The following NFKBIE variants were observed in gnomAD, a reference collection of about 807,000 sequenced individuals.
NFKBIE encodes NFKB inhibitor epsilon.
In NFKBIE, 11 loss-of-function variants were observed where a neutral mutation model predicts 31.6. The ratio of observed to expected loss-of-function variants is 0.35; its 90% CI spans 0.22 to 0.58. NFKBIE has a LOEUF of 0.58. NFKBIE is among the 20% of genes least tolerant of loss of function. The pLI is 0.83. For synonymous variants in NFKBIE, 208 were observed against 210.1 expected, an observed-to-expected ratio of 0.99 and a Z score of 0.09; for missense variants, 354 against 465.7, an observed-to-expected ratio of 0.76 and a Z score of 2.21.
Position 44,262,550 on chromosome 6 carries a change from C to T in NFKBIE, c.468+10G>A, listed in dbSNP as rs775612903. Reference sequence around the variant, plus strand: ...CAGGTATCTGGGCATAACATTCTCTCGCCACCAACCTGGTAAAGGTTATTT... The same window carrying T: ...CAGGTATCTGGGCATAACATTCTCTTGCCACCAACCTGGTAAAGGTTATTT... On this transcript the variant is annotated intron_variant, in intron 2 of 5. Transcript: ENST00000619360. 2.7e-5 allele frequency: 44 copies of T among 1,611,864 alleles called. 1 individual carries two copies. Among genetic ancestry groups the T allele is most frequent in the South Asian group, 2.4e-4 (22 of 90,964 alleles).
Position 44,260,219 on chromosome 6 carries a change from G to C in NFKBIE, c.844C>G (p.Gln282Glu). The C allele has an allele frequency of 6.2e-7, 1 of 1,613,898 alleles. No individual in the cohort carries two copies. The highest frequency in any genetic ancestry group is 8.5e-7 in the Non-Finnish European group (1 of 1,179,802). The stretch of plus-strand genomic sequence containing the variant: ...TGGGCACCAGCCTGGAGCAGGAACT[G>C]TACCAGGCCCCGCTCTTGGGTTTCC... ...AVETQERGLV[Q>E]FLLQAGAQVD... Residue 282 changes from glutamine to glutamate, a missense_variant, in exon 5 of 6, where the codon CAG (glutamine) becomes GAG (glutamate). Around this residue, in one of 2 missense-constraint regions of NFKBIE, gnomAD observed 183 missense variants for 310.6 expected, o/e 0.59. Coordinates refer to ENST00000619360, the MANE Select transcript of NFKBIE (RefSeq NM_004556.3). The surrounding 1 kb of genome is among the most constrained non-coding windows in gnomAD (Gnocchi z 5.5).
rs913503930 is a variant in NFKBIE, at chr6:44,261,908, T to C, written c.469-60A>G. 6 of 1,468,418 alleles carry C rather than the reference T, an allele frequency of 4.1e-6. No individual in the cohort carries two copies. The highest frequency in any genetic ancestry group is 1.4e-5 in the African/African-American group (1 of 71,778). The allele number at this position is 1,468,418 out of a possible 1,614,324, so 91.0% of individuals were successfully genotyped here. A position where few individuals can be genotyped will look rare whatever the true frequency, so the allele number is the denominator to read the frequency against. The stretch of plus-strand genomic sequence containing the variant: ...CAGCATGCTCCCACCTCTGGGAACA[T>C]GCTTGGGCTCAAGAATCACCAGCTG... On this transcript the variant is annotated intron_variant, in intron 2 of 5. Coordinates refer to ENST00000619360, the MANE Select transcript of NFKBIE (RefSeq NM_004556.3). This position sits in a 1 kb window ranked among gnomAD's most constrained non-coding sequence, Gnocchi z 4.3.
At position 44,258,912 on chromosome 6, in the gene NFKBIE, C is replaced by CT. The variant is rs1387304205; in HGVS notation, c.*306_*307insA. The stretch of plus-strand genomic sequence containing the variant: ...GGTTGGCAGTTTCAGGCTGACCCAA[C>CT]ATGGGTAAAACAAGAGCACCTGCCA... On this transcript the variant is annotated 3_prime_UTR_variant, in exon 6 of 6. Coordinates refer to ENST00000619360, the MANE Select transcript of NFKBIE (RefSeq NM_004556.3). 1 of 265,572 alleles carries CT rather than the reference C, an allele frequency of 3.8e-6. No homozygotes were observed. The highest frequency in any genetic ancestry group is 2.2e-5 in the African/African-American group (1 of 46,396). 16.5% of individuals were successfully genotyped at this position (265,572 alleles called of 1,614,324 possible).
chr6:44,260,874 C>G lies in NFKBIE; in HGVS notation c.692-335G>C, dbSNP rs1466718136. Among the ~76,000 whole-genome samples the G allele has an allele frequency of 1.2e-4, 17 of 139,954 alleles. No homozygotes were observed. Among genetic ancestry groups the G allele is most frequent in the Middle Eastern group, 3.9e-3 (1 of 258 alleles). The allele number at this position is 139,954 out of a possible 152,430, so 91.8% of individuals were successfully genotyped here. On this transcript the variant is annotated intron_variant, in intron 3 of 5. Transcript: ENST00000619360. The surrounding 1 kb of genome is among the most constrained non-coding windows in gnomAD (Gnocchi z 5.5). ...ACACACATACAGACACACACACACA[C>G]ACACACACACACACACAACCTGCCT...
rs758066925 is a variant in NFKBIE at position 44,263,853 on chromosome 6, G to T, written c.365+1129C>A. Among the ~76,000 whole-genome samples the T allele has an allele frequency of 3.3e-5, 5 of 152,160 alleles. No individual in the cohort carries two copies. Among genetic ancestry groups the T allele is most frequent in the African/African-American group, 4.8e-5 (2 of 41,426 alleles). ...AGATGGAAAAGGCTGGGGCTGAGAGGCTAACAAAAGACGGCAATGTCAAAA... is the reference window on the plus strand; with the variant it reads ...AGATGGAAAAGGCTGGGGCTGAGAGTCTAACAAAAGACGGCAATGTCAAAA... On this transcript the variant is annotated intron_variant, in intron 1 of 5. Coordinates refer to ENST00000619360, the MANE Select transcript of NFKBIE (RefSeq NM_004556.3). The surrounding 1 kb of genome is among the most constrained non-coding windows in gnomAD (Gnocchi z 5.0).
Position 44,260,375 on chromosome 6 carries a change from T to C in NFKBIE, c.780+76A>G, listed in dbSNP as rs1369529238. The C allele has an allele frequency of 1.9e-6, 3 of 1,612,960 alleles. No homozygotes were observed. The African/African-American group carries it at 4.0e-5, about 22-fold the overall frequency. ...GGAAGTGAATGCCACCACTTCTGAC[T>C]GCTGGGCAGGGGACTTGGGGATGTG... On this transcript the variant is annotated intron_variant, in intron 4 of 5. Transcript: ENST00000619360. This position sits in a 1 kb window ranked among gnomAD's most constrained non-coding sequence, Gnocchi z 5.5.
chr6:44,265,038 C>A lies in NFKBIE; in HGVS notation c.309G>T (p.Gly103=). 1 of 1,585,192 alleles carries A rather than the reference C, an allele frequency of 6.3e-7. No individual in the cohort carries two copies. The highest frequency in any genetic ancestry group is 8.6e-7 in the Non-Finnish European group (1 of 1,165,854). ...PAPRLPLPHV[G]ALSPQQLEAL... ...CTTCCAGCTGCTGAGGGCTCAGCGCCCCCACGTGGGGGAGTGGCAGGCGTG... is the reference window on the plus strand; with the variant it reads ...CTTCCAGCTGCTGAGGGCTCAGCGCACCCACGTGGGGGAGTGGCAGGCGTG... Residue 103 remains glycine (G), a synonymous_variant, in exon 1 of 6, where the codon GGG becomes GGT. Transcript: ENST00000619360.
Position 44,260,320 on chromosome 6 carries a change from G to A in NFKBIE, c.781-38C>T, listed in dbSNP as rs772778660. ...AAGGATGTCAGCCAAGGCCCTCAGA[G>A]GCAGTGTGCTGGGCCTGGGCTCTGG... is the stretch of plus-strand genomic sequence containing the variant. On this transcript the variant is annotated intron_variant, in intron 4 of 5. Coordinates refer to ENST00000619360, the MANE Select transcript of NFKBIE (RefSeq NM_004556.3). The surrounding 1 kb of genome is among the most constrained non-coding windows in gnomAD (Gnocchi z 5.5). 1.2e-6 allele frequency: 2 copies of A among 1,606,068 alleles called. No individual in the cohort carries two copies. Among genetic ancestry groups the A allele is most frequent in the African/African-American group, 2.7e-5 (2 of 74,800 alleles).
Position 44,260,289 on chromosome 6 carries a change from A to T in NFKBIE, c.781-7T>A, listed in dbSNP as rs1416749548. ...TCTTACCACTGGTGCCCTCCTGGGG[A>T]GGAATAAGGATGTCAGCCAAGGCCC... On this transcript the variant is annotated splice_polypyrimidine_tract_variant and splice_region_variant and intron_variant, in intron 4 of 5. Transcript: ENST00000619360. This position sits in a 1 kb window ranked among gnomAD's most constrained non-coding sequence, Gnocchi z 5.5. The T allele has an allele frequency of 4.4e-6, 7 of 1,606,714 alleles. No individual in the cohort carries two copies. Among genetic ancestry groups the T allele is most frequent in the Admixed American group, 3.3e-5 (2 of 59,922 alleles).
rs529852257 is a variant in NFKBIE, at chr6:44,263,619, C to G, written c.366-957G>C. Among the ~76,000 whole-genome samples, 1 of 152,186 alleles carries G rather than the reference C, an allele frequency of 6.6e-6. No individual in the cohort carries two copies. Among genetic ancestry groups the G allele is most frequent in the East Asian group, 1.9e-4 (1 of 5,158 alleles). On this transcript the variant is annotated intron_variant, in intron 1 of 5. Coordinates refer to ENST00000619360, the MANE Select transcript of NFKBIE (RefSeq NM_004556.3). This position sits in a 1 kb window ranked among gnomAD's most constrained non-coding sequence, Gnocchi z 5.0. The stretch of plus-strand genomic sequence containing the variant: ...AATCCCCTAGGCCAGGGCCTGCTCT[C>G]TGGGTCACATTCTTGCAGCCACCTC...
In NFKBIE at chr6:44,261,994, A is replaced by G. The variant is rs1781940030; in HGVS notation, c.469-146T>C. 1 of 750,280 alleles carries G rather than the reference A, an allele frequency of 1.3e-6. No individual in the cohort carries two copies. Among genetic ancestry groups the G allele is most frequent in the South Asian group, 1.8e-5 (1 of 56,594 alleles). The allele number at this position is 750,280 out of a possible 1,614,324, so 46.5% of individuals were successfully genotyped here. A position where few individuals can be genotyped will look rare whatever the true frequency, so the allele number is the denominator to read the frequency against. ...TAACCTGTTCTTCCAAGGAAATACT[A>G]CCGAGCCCTTCCCCTGTCACACCCC... On this transcript the variant is annotated intron_variant, in intron 2 of 5. Transcript: ENST00000619360. The surrounding 1 kb of genome is among the most constrained non-coding windows in gnomAD (Gnocchi z 4.3).
Position 44,261,392 on chromosome 6 carries a change from A to G in NFKBIE, c.691+234T>C, listed in dbSNP as rs1034208675. On this transcript the variant is annotated intron_variant, in intron 3 of 5. Transcript: ENST00000619360. This position sits in a 1 kb window ranked among gnomAD's most constrained non-coding sequence, Gnocchi z 4.3. ...TCATCTAATCTCTATTAAACTAAGT[A>G]TCTTAAGGGCAAGATTTAGTTTTCT... is the stretch of plus-strand genomic sequence containing the variant. Among the ~76,000 whole-genome samples, 1 of 152,258 alleles carries G rather than the reference A, an allele frequency of 6.6e-6. No homozygotes were observed. The highest frequency in any genetic ancestry group is 2.4e-5 in the African/African-American group (1 of 41,460).
intron 2 of NFKBIE, 97 bp downstream of exon 2, chr6:44,262,463 G>A: frequency 1.9e-6 from 2 of 1,033,302 alleles, no homozygotes; most frequent in South Asian, 2.8e-5. Context: ...CTGGCATATG[G>A]TTTCCTAAGT....
chr6:44,262,129 G>C (rs1781944625), intron 2 of NFKBIE, among the ~76,000 whole-genome samples: 1 of 152,192 alleles, frequency 6.6e-6, no homozygotes, highest in Non-Finnish European at 1.5e-5. Context: ...TGTAGGAGGA[G>C]AGTCTAGCCC....
chr6:44,260,826 A>AC lies in NFKBIE; in HGVS notation c.692-288_692-287insG, dbSNP rs1781871030. Among the ~76,000 whole-genome samples, 1 of 119,122 alleles carries AC rather than the reference A, an allele frequency of 8.4e-6. No homozygotes were observed. 78.1% of individuals were successfully genotyped at this position (119,122 alleles called of 152,430 possible). A position where few individuals can be genotyped will look rare whatever the true frequency, so the allele number is the denominator to read the frequency against. ...CACCCTCCTCCTATACACAAACTAC[A>AC]ACACACACACACACACACACACACA... On this transcript the variant is annotated intron_variant, in intron 3 of 5. Transcript: ENST00000619360. The surrounding 1 kb of genome is among the most constrained non-coding windows in gnomAD (Gnocchi z 5.5).
In NFKBIE at chr6:44,265,423, T is replaced by C; in HGVS notation, c.-77A>G. 1 of 1,541,402 alleles carries C rather than the reference T, an allele frequency of 6.5e-7. No individual in the cohort carries two copies. The highest frequency in any genetic ancestry group is 8.7e-7 in the Non-Finnish European group (1 of 1,150,488). ...GCTCCGCCGCGCCGCCTTTCCGGGT[T>C]GCGGGTCCGCTTGGCAGAGCGGGCG... On this transcript the variant is annotated 5_prime_UTR_variant, in exon 1 of 6. Coordinates refer to ENST00000619360, the MANE Select transcript of NFKBIE (RefSeq NM_004556.3).
Position 44,263,768 on chromosome 6 carries a change from C to G in NFKBIE, c.366-1106G>C, listed in dbSNP as rs1044802701. ...CTCTCTGGGGACTCGCTGGGGAGCC[C>G]GGACATTTCTCCCCTCCACACACAC... On this transcript the variant is annotated intron_variant, in intron 1 of 5. Coordinates refer to ENST00000619360, the MANE Select transcript of NFKBIE (RefSeq NM_004556.3). The surrounding 1 kb of genome is among the most constrained non-coding windows in gnomAD (Gnocchi z 5.0). 6.6e-6 allele frequency among the ~76,000 whole-genome samples: 1 copy of G among 152,046 alleles called. No individual in the cohort carries two copies. The highest frequency in any genetic ancestry group is 1.5e-5 in the Non-Finnish European group (1 of 67,972).
intron 1 of NFKBIE, among the ~76,000 whole-genome samples, chr6:44,262,920 G>C (rs1199669792): frequency 6.6e-6 from 1 of 152,216 alleles, no homozygotes; most frequent in Non-Finnish European, 1.5e-5. Context: ...CAGGACAACA[G>C]CCTTCCTGTC....
In NFKBIE at chr6:44,261,858, CA is replaced by C; in HGVS notation, c.469-11del. The stretch of plus-strand genomic sequence containing the variant: ...CCAGATGGAGTGCTGTCTGGAGGCA[CA>C]AATAGAGGGTCATGGGGCCACTGCA... On this transcript the variant is annotated splice_polypyrimidine_tract_variant and intron_variant, in intron 2 of 5. Coordinates refer to ENST00000619360, the MANE Select transcript of NFKBIE (RefSeq NM_004556.3). This position sits in a 1 kb window ranked among gnomAD's most constrained non-coding sequence, Gnocchi z 4.3. 1.2e-6 allele frequency: 2 copies of C among 1,602,914 alleles called. No homozygotes were observed. The highest frequency in any genetic ancestry group is 1.7e-6 in the Non-Finnish European group (2 of 1,176,976).
Sources: gnomAD v4.1 joint callset for allele counts (sites outside exome capture counted in the v4.1 genomes callset) on GRCh38, gnomAD v4.1.1 for gene constraint, gnomAD v4.1.1 regional missense constraint, Gnocchi (gnomAD v3.1) non-coding constraint, MANE v1.5 for transcripts, NCBI Gene and HGNC (gene_info 2026-07-23, HGNC 2026-07-21) for gene names.